Variants in SLC18A1 observed in about 807,000 individuals in gnomAD.
The protein encoded by SLC18A1 is chromaffin granule amine transporter.
SLC18A1 carries 69 observed loss-of-function variants against 53.7 expected under a neutral mutation model. That is an observed-to-expected ratio of 1.28 (90% confidence interval 1.06 to 1.57). SLC18A1 has a LOEUF of 1.57. Among genes scored for constraint, SLC18A1 ranks in the 40% most tolerant of loss-of-function variants. The pLI is 0.00. For missense variants in SLC18A1, 932 were observed against 668.1 expected (o/e 1.40, Z -4.35); for synonymous variants, 320 against 248.1 (o/e 1.29, Z -2.72).
chr8:20,174,308 G>T, intron 5 of SLC18A1, 53 bp downstream of exon 5: 1 of 1,137,794 alleles, frequency 8.8e-7, no homozygotes, highest in South Asian at 1.3e-5. Flanking sequence ...AGTAAGAGAT[G>T]TGTGTGTGTG....
chr8:20,173,083 C>T lies in SLC18A1; in HGVS notation c.677G>A (p.Gly226Glu), dbSNP rs1563762940. The T allele has an allele frequency of 6.3e-7, 1 of 1,584,274 alleles. No homozygotes were observed. The highest frequency in any genetic ancestry group is 2.3e-5 in the East Asian group (1 of 42,990). ...CCCCAGAGCAGTTCCCATGGCTCGT[C>T]CTCTCTCATGGTCATCAGTGTAGAC... ...ASVYTDDHER[G>E]RAMGTALGGL... Residue 226 changes from glycine to glutamate, a missense_variant, in exon 6 of 16, where the codon GGA (glycine) becomes GAA (glutamate). Physicochemically the swap from Gly to Glu is moderately conservative, Grantham distance 98 (BLOSUM62 -2). Coordinates refer to ENST00000276373, the MANE Select transcript of SLC18A1 (RefSeq NM_003053.4).
intron 8 of SLC18A1, among the ~76,000 whole-genome samples, chr8:20,167,232 G>A (rs537740946): frequency 2.0e-5 from 3 of 151,836 alleles, no homozygotes; most frequent in Non-Finnish European, 2.9e-5. Flanking sequence ...ATGGAAGTAC[G>A]GTAATTTCTA....
At chr8:20,167,125 C>A (rs2071988120) in intron 8 of SLC18A1, among the ~76,000 whole-genome samples, 2 of 148,952 alleles carry the variant, frequency 1.3e-5, no homozygotes, top group African/African-American at 2.5e-5. Flanking sequence ...AAAACTAAAA[C>A]TAAATGCCAA....
chr8:20,158,369 G>C (rs1024268116), intron 10 of SLC18A1, among the ~76,000 whole-genome samples: 18 of 152,280 alleles, frequency 1.2e-4, no homozygotes, highest in Admixed American at 4.6e-4. Context: ...TTGTTAAGGA[G>C]AGACATTCTC....
chr8:20,174,244 C>T (rs1460275502), intron 5 of SLC18A1, 117 bp downstream of exon 5: 2 of 787,934 alleles, frequency 2.5e-6, no homozygotes, highest in Non-Finnish European at 2.2e-6. Flanking sequence ...ACAATTTCTA[C>T]CTATCCAGGT....
chr8:20,156,853 G>T (rs565280230), intron 10 of SLC18A1, among the ~76,000 whole-genome samples: 2 of 152,212 alleles, frequency 1.3e-5, no homozygotes, highest in Admixed American at 6.5e-5. Flanking sequence ...TCTCTGAAAT[G>T]AATTTGCATA....
In SLC18A1 at chr8:20,147,776, C is replaced by T. The variant is rs867185227; in HGVS notation, c.1211-54G>A. The stretch of plus-strand genomic sequence containing the variant: ...AGCCCCACCCACAGTTAGTACCACC[C>T]CGCCTCTCCTCCTCCATTTAGTCCA... On this transcript the variant is annotated intron_variant, in intron 13 of 15. Coordinates refer to ENST00000276373, the MANE Select transcript of SLC18A1 (RefSeq NM_003053.4). 149 of 1,594,312 alleles carry T rather than the reference C, an allele frequency of 9.3e-5. 3 individuals carry two copies. The Middle Eastern group carries it at 5.3e-3, about 57-fold the overall frequency.
At chr8:20,164,828 C>G in intron 10 of SLC18A1, 41 bp downstream of exon 10, 1 of 1,499,814 alleles carries the variant, frequency 6.7e-7, no homozygotes, top group Non-Finnish European at 9.1e-7. Flanking sequence ...GCACCCACCT[C>G]CTCCTGCCAG....
Position 20,171,480 on chromosome 8 carries a change from C to T in SLC18A1, c.739G>A (p.Gly247Arg), listed in dbSNP as rs143831747. ...ALGLLVGAPF[G>R]SVMYEFVGKS... The stretch of plus-strand genomic sequence containing the variant: ...CCAACAAACTCGTACATTACACTTC[C>T]AAAGGGAGCTCCCACTGGAGAGGCA... Residue 247 changes from glycine (G) to arginine (R), a missense_variant, in exon 7 of 16, where the codon GGA becomes AGA. Gly to Arg is a moderately radical substitution (Grantham distance 125). Coordinates refer to ENST00000276373, the MANE Select transcript of SLC18A1 (RefSeq NM_003053.4). 4 of 1,613,904 alleles carry T rather than the reference C, an allele frequency of 2.5e-6. 1 individual carries two copies. Among genetic ancestry groups the T allele is most frequent in the Non-Finnish European group, 3.4e-6 (4 of 1,179,922 alleles).
chr8:20,150,538 GT>G (rs2071524349), intron 11 of SLC18A1, 127 bp downstream of exon 11: 1 of 824,114 alleles, frequency 1.2e-6, no homozygotes, highest in South Asian at 1.4e-5. Flanking sequence ...CCAGTGGGAA[GT>G]TTTTATCGGT....
At chr8:20,173,006 G>GAA (rs2072161950) in intron 6 of SLC18A1, 30 bp downstream of exon 6, 1 of 1,003,782 alleles carries the variant, frequency 1.0e-6, no homozygotes, top group African/African-American at 1.6e-5. Flanking sequence ...CCACCCTCCC[G>GAA]AACCCAGAGC....
At chr8:20,150,946 T>C (rs1295423089) in intron 10 of SLC18A1, 2 of 578,134 alleles carry the variant, frequency 3.5e-6, no homozygotes, top group Non-Finnish European at 6.2e-6. Context: ...GAGCAAGGCT[T>C]TGTTTAGCCT....
chr8:20,174,668 C>T (rs371608928), intron 4 of SLC18A1, among the ~76,000 whole-genome samples: 3 of 152,214 alleles, frequency 2.0e-5, no homozygotes, highest in South Asian at 2.1e-4. Context: ...AAGTATAAAC[C>T]GAGTCACCAC....
intron 11 of SLC18A1, 60 bp from the exon 12 acceptor site, chr8:20,149,787 C>T (rs2071502416): frequency 6.7e-7 from 1 of 1,492,324 alleles, no homozygotes; most frequent in African/African-American, 1.4e-5. Flanking sequence ...CACCTGTACC[C>T]CATCACCGCC....
At chr8:20,155,150 G>C (rs916151365) in intron 10 of SLC18A1, among the ~76,000 whole-genome samples, 5 of 152,292 alleles carry the variant, frequency 3.3e-5, no homozygotes, top group African/African-American at 4.8e-5. Flanking sequence ...AGAACAAAAG[G>C]CTCGCTGCCA....
rs776855954 is a variant in SLC18A1, at chr8:20,180,881, G to A, written c.84C>T (p.Phe28=). The A allele has an allele frequency of 1.1e-5, 17 of 1,613,734 alleles. No individual in the cohort carries two copies. The highest frequency in any genetic ancestry group is 5.3e-5 in the African/African-American group (4 of 74,890). Residue 28 remains phenylalanine, a synonymous_variant, in exon 2 of 16, where the codon TTC becomes TTT. Coordinates refer to ENST00000276373, the MANE Select transcript of SLC18A1 (RefSeq NM_003053.4). The part of the protein sequence containing the change: ...ASRQLVLVVV[F]VALLLDNMLF... Reference sequence around the variant, plus strand: ...GCATGTTGTCCAGGAGCAAAGCGACGAATACCACCACCAGCACCAGCTGCC... The same window carrying A: ...GCATGTTGTCCAGGAGCAAAGCGACAAATACCACCACCAGCACCAGCTGCC...
chr8:20,161,481 T>A lies in SLC18A1; in HGVS notation c.1015+3388A>T, dbSNP rs972844223. Among the ~76,000 whole-genome samples the A allele has an allele frequency of 2.0e-5, 3 of 152,222 alleles. No homozygotes were observed. In the East Asian group the frequency reaches 5.8e-4, roughly 29 times the overall value. On this transcript the variant is annotated intron_variant, in intron 10 of 15. Transcript: ENST00000276373. The stretch of plus-strand genomic sequence containing the variant: ...GTCATTGAGAAATGATTATAGTACA[T>A]GGAAGTACGTGTGTAGATTATATGC...
At chr8:20,165,357 C>T (rs1353817342) in intron 8 of SLC18A1, among the ~76,000 whole-genome samples, 2 of 152,068 alleles carry the variant, frequency 1.3e-5, no homozygotes, top group African/African-American at 4.8e-5. Context: ...GCAACATATT[C>T]CAGCCATGGT....
At chr8:20,176,296 G>T (rs1330417783) in intron 4 of SLC18A1, among the ~76,000 whole-genome samples, 1 of 152,108 alleles carries the variant, frequency 6.6e-6, no homozygotes, top group Non-Finnish European at 1.5e-5. Flanking sequence ...TCTCTGCACA[G>T]CCAGCTCCCC....
Sources: allele counts gnomAD v4.1 joint callset (sites outside exome capture counted in the v4.1 genomes callset), GRCh38; gene constraint gnomAD v4.1.1; transcripts MANE v1.5; gene names NCBI Gene and HGNC (gene_info 2026-07-23, HGNC 2026-07-21).